LRRIQ1: variants seen among roughly 807,000 people sequenced by gnomAD.
The protein encoded by LRRIQ1 is leucine-rich repeat- and IQ domain-containing protein 1.
In LRRIQ1, 210 loss-of-function variants were observed where a neutral mutation model predicts 211.9. The ratio of observed to expected loss-of-function variants is 0.99; its 90% CI spans 0.89 to 1.11. The LOEUF (loss-of-function observed/expected upper bound fraction) is 1.11, where lower values mean the gene tolerates loss of function less well. LRRIQ1 is among the 50% of genes most tolerant of loss of function. The pLI, the probability that LRRIQ1 is intolerant of heterozygous loss-of-function variation, is 0.00. For missense variants in LRRIQ1, 2,136 were observed against 1,939.5 expected (o/e 1.10, Z -1.90); for synonymous variants, 699 against 650.1 (o/e 1.08, Z -1.14).
intron 24 of LRRIQ1, among the ~76,000 whole-genome samples, chr12:85,200,538 G>A (rs1893236403): frequency 6.6e-6 from 1 of 152,120 alleles, no homozygotes; most frequent in Admixed American, 6.6e-5. Flanking sequence ...CCTTGTTACA[G>A]TTTATAAGAG....
At chr12:85,060,286 C>G (rs977390004) in intron 8 of LRRIQ1, among the ~76,000 whole-genome samples, 1 of 151,974 alleles carries the variant, frequency 6.6e-6, no homozygotes, top group South Asian at 2.1e-4. Flanking sequence ...AATACTAGAC[C>G]ATTGGGTTAT....
In LRRIQ1 at chr12:85,124,100, T is replaced by G; in HGVS notation, c.3588T>G (p.Asn1196Lys). 1 of 1,613,314 alleles carries G rather than the reference T, an allele frequency of 6.2e-7. No homozygotes were observed. Among genetic ancestry groups the G allele is most frequent in the South Asian group, 1.1e-5 (1 of 91,064 alleles). ...TATTTACCTTGGATACTGCAGAAAATCTCTGTCATTATTTTAAGAAATTGA... is the reference window on the plus strand; with the variant it reads ...TATTTACCTTGGATACTGCAGAAAAGCTCTGTCATTATTTTAAGAAATTGA... Reference protein sequence around the residue: ...GDVFTLDTAENLCHYFKKLMI... With the variant: ...GDVFTLDTAEKLCHYFKKLMI... The change falls in exon 17 of 27, where the codon AAT becomes AAG. Residue 1196 changes from asparagine to lysine, a missense_variant. By Grantham distance (94) the Asn-to-Lys change is moderately conservative (BLOSUM62 0). Coordinates refer to ENST00000393217, the MANE Select transcript of LRRIQ1 (RefSeq NM_001079910.2).
intron 1 of LRRIQ1, among the ~76,000 whole-genome samples, chr12:85,251,788 A>AAAC (rs1387009492): frequency 3.3e-5 from 5 of 151,802 alleles, no homozygotes; most frequent in Admixed American, 2.0e-4. Context: ...AAAAAAAAAA[A>AAAC]AACAGATATA....
intron 1 of LRRIQ1, among the ~76,000 whole-genome samples, chr12:85,258,974 G>C (rs1446867327): frequency 2.6e-5 from 4 of 151,742 alleles, no homozygotes; most frequent in African/African-American, 9.7e-5. Flanking sequence ...TATAGACCTT[G>C]ACATTTTTTA....
downstream of LRRIQ1, among the ~76,000 whole-genome samples, chr12:85,248,486 T>A (rs1374092427): frequency 2.0e-5 from 3 of 151,646 alleles, no homozygotes; most frequent in Non-Finnish European, 3.0e-5. Flanking sequence ...CACGAGTGGT[T>A]TTCAGGTGTC....
intron 11 of LRRIQ1, among the ~76,000 whole-genome samples, chr12:85,096,202 GT>G: frequency 6.6e-6 from 1 of 152,060 alleles, no homozygotes; most frequent in Non-Finnish European, 1.5e-5. Flanking sequence ...TGTTCCACTA[GT>G]TTTGGGGTTA....
At position 85,069,829 on chromosome 12, in the gene LRRIQ1, C is replaced by T. The variant is rs559604882; in HGVS notation, c.2695+2931C>T. Among the ~76,000 whole-genome samples, 12 of 152,068 alleles carry T rather than the reference C, an allele frequency of 7.9e-5. No individual in the cohort carries two copies. The South Asian group carries it at 2.1e-3, about 26-fold the overall frequency. The stretch of plus-strand genomic sequence containing the variant: ...AGTTTGTTGGAGTTCATTGTAGATT[C>T]TGGATATTAGCCCTTTGTCAGATGA... On this transcript the variant is annotated intron_variant, in intron 10 of 26. Coordinates refer to ENST00000393217, the MANE Select transcript of LRRIQ1 (RefSeq NM_001079910.2).
chr12:85,151,817 C>G (rs1379241243), intron 19 of LRRIQ1, among the ~76,000 whole-genome samples: 1 of 151,384 alleles, frequency 6.6e-6, no homozygotes, highest in Non-Finnish European at 1.5e-5. Context: ...TTTTTTTACT[C>G]TATTCAGAAA....
At chr12:85,214,678 G>C (rs978888736) in intron 24 of LRRIQ1, among the ~76,000 whole-genome samples, 2 of 151,906 alleles carry the variant, frequency 1.3e-5, no homozygotes, top group African/African-American at 4.8e-5. Context: ...TTTAAAGTTA[G>C]TTATCTATAT....
intron 19 of LRRIQ1, among the ~76,000 whole-genome samples, chr12:85,150,983 G>A (rs1890203899): frequency 6.6e-6 from 1 of 151,394 alleles, no homozygotes; most frequent in Admixed American, 6.6e-5. Context: ...TGCTTAAAAT[G>A]TATTCTCTTA....
intron 24 of LRRIQ1, among the ~76,000 whole-genome samples, chr12:85,227,893 A>G (rs1894744019): frequency 6.6e-6 from 1 of 152,204 alleles, no homozygotes; most frequent in South Asian, 2.1e-4. Flanking sequence ...CTGATCTTTG[A>G]CAAACCTGAC....
intron 11 of LRRIQ1, among the ~76,000 whole-genome samples, chr12:85,081,340 A>G (rs755512487): frequency 6.6e-6 from 1 of 152,112 alleles, no homozygotes; most frequent in Non-Finnish European, 1.5e-5. Flanking sequence ...CTACTTCTCA[A>G]CAGATGAACT....
At chr12:85,160,835 C>T (rs1462209802) in intron 24 of LRRIQ1, 121 bp downstream of exon 24, 2 of 393,924 alleles carry the variant, frequency 5.1e-6, no homozygotes, top group Non-Finnish European at 4.2e-6. Context: ...TTATGTATAA[C>T]ATATACTTGA....
At chr12:85,114,505 A>C (rs2136373801) in intron 15 of LRRIQ1, among the ~76,000 whole-genome samples, 2 of 152,278 alleles carry the variant, frequency 1.3e-5, no homozygotes, top group African/African-American at 4.8e-5. Context: ...TGTTTGCATG[A>C]AGCATGAACA....
At chr12:85,118,500 T>TTG (rs1887736507) in intron 15 of LRRIQ1, among the ~76,000 whole-genome samples, 2 of 28,556 alleles carry the variant, frequency 7.0e-5, no homozygotes, top group African/African-American at 2.9e-4. Context: ...AAAAACTATG[T>TTG]TTTTTTTTTT....
chr12:85,142,317 A>T (rs1451025598), intron 19 of LRRIQ1, among the ~76,000 whole-genome samples: 1 of 151,382 alleles, frequency 6.6e-6, no homozygotes, highest in Non-Finnish European at 1.5e-5. Flanking sequence ...AGCTTCTTGA[A>T]TCTGTGGTAA....
At chr12:85,196,677 C>T (rs1440017772) in intron 24 of LRRIQ1, among the ~76,000 whole-genome samples, 2 of 152,098 alleles carry the variant, frequency 1.3e-5, no homozygotes, top group East Asian at 1.9e-4. Context: ...AAAATCAATT[C>T]GAGATGGATT....
At chr12:85,044,618 T>C in intron 3 of LRRIQ1, 100 bp from the exon 4 acceptor site, 1 of 537,872 alleles carries the variant, frequency 1.9e-6, no homozygotes, top group Non-Finnish European at 3.4e-6. Flanking sequence ...CAATATACCC[T>C]GATAGAATTT....
chr12:85,068,526 G>A (rs1322317973), intron 10 of LRRIQ1, among the ~76,000 whole-genome samples: 2 of 151,610 alleles, frequency 1.3e-5, no homozygotes, highest in Non-Finnish European at 1.5e-5. Context: ...CTTTCATAAA[G>A]GAGATCCCCA....
Sources: allele counts gnomAD v4.1 joint callset (sites outside exome capture counted in the v4.1 genomes callset), GRCh38; gene constraint gnomAD v4.1.1; transcripts MANE v1.5; gene names NCBI Gene and HGNC (gene_info 2026-07-23, HGNC 2026-07-21).